The following PAK1 variants were observed in gnomAD, a reference collection of about 807,000 sequenced individuals.
The protein encoded by PAK1 is p21 (RAC1) activated kinase 1.
Under a neutral mutation model 67.4 loss-of-function variants are expected in PAK1, and 29 were observed. That is an observed-to-expected ratio of 0.43 (90% CI 0.32 to 0.59). The LOEUF is 0.59. PAK1 is among the 20% of genes least tolerant of loss of function. PAK1 has a pLI of 0.07. For synonymous variants in PAK1, 223 were observed against 237.4 expected (o/e 0.94, Z 0.56); for missense variants, 337 against 670.7 (o/e 0.50, Z 5.50).
intron 1 of PAK1, among the ~76,000 whole-genome samples, chr11:77,404,924 G>C (rs781152638): frequency 1.2e-4 from 19 of 152,192 alleles, no homozygotes; most frequent in Non-Finnish European, 2.6e-4. Context: ...AAGAGATGCA[G>C]ACAGAGAAAT....
At chr11:77,416,760 T>C (rs551508714) in intron 1 of PAK1, among the ~76,000 whole-genome samples, 2 of 152,156 alleles carry the variant, frequency 1.3e-5, no homozygotes, top group African/African-American at 2.4e-5. Context: ...AAGACCATCC[T>C]GGCTAACACA....
chr11:77,399,005 A>G (rs1393731501), intron 1 of PAK1, among the ~76,000 whole-genome samples: 1 of 152,266 alleles, frequency 6.6e-6, no homozygotes, highest in African/African-American at 2.4e-5. Context: ...AAAAAAATAT[A>G]AACACAGAAT....
chr11:77,521,769 A>G, the PAK1 span, among the ~76,000 whole-genome samples: 741 of 152,286 alleles, frequency 4.9e-3, 2 homozygotes, highest in Non-Finnish European at 7.4e-3. Context: ...AGGGCATCCT[A>G]TTTATTCCCA....
At chr11:77,429,407 T>C (rs1413228932) in intron 1 of PAK1, among the ~76,000 whole-genome samples, 2 of 152,194 alleles carry the variant, frequency 1.3e-5, no homozygotes, top group Non-Finnish European at 1.5e-5. Context: ...AAAATACTTA[T>C]TAATTATACA....
intron 1 of PAK1, among the ~76,000 whole-genome samples, chr11:77,464,905 A>G (rs1342587306): frequency 1.3e-5 from 2 of 152,190 alleles, no homozygotes; most frequent in Non-Finnish European, 2.9e-5. Flanking sequence ...TATTGCTTTT[A>G]CACCATCATA....
At chr11:77,420,379 A>G (rs959680966) in intron 1 of PAK1, among the ~76,000 whole-genome samples, 2 of 152,222 alleles carry the variant, frequency 1.3e-5, no homozygotes, top group African/African-American at 4.8e-5. Context: ...GACATGACCT[A>G]GTTCTTACCC....
intron 14 of PAK1, among the ~76,000 whole-genome samples, chr11:77,330,325 G>C (rs9667941): frequency 6.6e-6 from 1 of 151,804 alleles, no homozygotes. Context: ...CCGCATCGCC[G>C]AGTCAATCCT....
chr11:77,448,311 C>T (rs1956705936), intron 1 of PAK1, among the ~76,000 whole-genome samples: 2 of 152,178 alleles, frequency 1.3e-5, no homozygotes, highest in African/African-American at 4.8e-5. Flanking sequence ...TGGTACTTTC[C>T]TCTTTTATTG....
intron 8 of PAK1, 151 bp downstream of exon 8, chr11:77,353,385 G>T: frequency 1.7e-6 from 1 of 594,508 alleles, no homozygotes. Context: ...CAAATCTCAA[G>T]TCAGTCTCAC....
Position 77,379,227 on chromosome 11 carries a change from C to T in PAK1, c.439+14G>A, listed in dbSNP as rs200711097. 43 of 1,596,792 alleles carry T rather than the reference C, an allele frequency of 2.7e-5. No homozygotes were observed. Among genetic ancestry groups the T allele is most frequent in the African/African-American group, 2.2e-4 (16 of 74,324 alleles). ...CATCTCTTGCTGAGACTGCCCTGGA[C>T]GCAGTTCTCATACCTGTAAAGCTCA... is the stretch of plus-strand genomic sequence containing the variant. On this transcript the variant is annotated intron_variant, in intron 4 of 14. Transcript: ENST00000356341.
intron 1 of PAK1, among the ~76,000 whole-genome samples, chr11:77,442,787 T>C (rs1216142699): frequency 6.6e-6 from 1 of 152,088 alleles, no homozygotes; most frequent in African/African-American, 2.4e-5. Flanking sequence ...TGGGTTAACA[T>C]CAGAAAGCCC....
chr11:77,416,107 T>C (rs1422942984), intron 1 of PAK1, among the ~76,000 whole-genome samples: 1 of 151,724 alleles, frequency 6.6e-6, no homozygotes, highest in African/African-American at 2.4e-5. Flanking sequence ...GCCTCCCGAG[T>C]AGCTGGAATT....
At chr11:77,357,973 G>A (rs552704559) in intron 6 of PAK1, among the ~76,000 whole-genome samples, 7 of 152,056 alleles carry the variant, frequency 4.6e-5, no homozygotes, top group Non-Finnish European at 8.8e-5. Context: ...ATTTTGAAGC[G>A]CATTTTCCCT....
chr11:77,343,960 A>C, intron 9 of PAK1, 29 bp from the exon 10 acceptor site: 1 of 1,439,492 alleles, frequency 6.9e-7, no homozygotes, highest in Non-Finnish European at 9.8e-7. Flanking sequence ...TCAATGTGCA[A>C]CCATAGTCAT....
the PAK1 span, among the ~76,000 whole-genome samples, chr11:77,504,250 C>T: frequency 2.1e-3 from 318 of 150,934 alleles, 2 homozygotes; most frequent in Non-Finnish European, 4.1e-3. Context: ...ATATAAATAG[C>T]ACATTTCCAT....
chr11:77,454,179 T>C (rs1225183465), intron 1 of PAK1, among the ~76,000 whole-genome samples: 1 of 152,228 alleles, frequency 6.6e-6, no homozygotes, highest in Admixed American at 6.5e-5. Flanking sequence ...CACTTCCACA[T>C]ATATTTGTCC....
chr11:77,462,938 T>C (rs1223031351), intron 1 of PAK1, among the ~76,000 whole-genome samples: 1 of 117,146 alleles, frequency 8.5e-6, no homozygotes, highest in Non-Finnish European at 1.6e-5. Flanking sequence ...GTGCCTACTA[T>C]AGGTTAGGCA....
chr11:77,518,852 T>A, the PAK1 span, among the ~76,000 whole-genome samples: 1 of 152,232 alleles, frequency 6.6e-6, no homozygotes, highest in African/African-American at 2.4e-5. Flanking sequence ...ACACTAACTT[T>A]TTTAATACAA....
In PAK1 at chr11:77,436,012, G is replaced by C. The variant is rs558201387; in HGVS notation, c.-22+37540C>G. On this transcript the variant is annotated intron_variant, in intron 1 of 14. Transcript: ENST00000356341. ...TGTGTACATAGGCACTCAGAGTGCA[G>C]TTCTGAATAAAGAAGGGTTAAAGTA... Among the ~76,000 whole-genome samples the C allele has an allele frequency of 5.3e-5, 8 of 152,308 alleles. No individual in the cohort carries two copies. The South Asian group carries it at 1.7e-3, about 32-fold the overall frequency.
Sources: gnomAD v4.1 joint callset for allele counts (sites outside exome capture counted in the v4.1 genomes callset) on GRCh38, gnomAD v4.1.1 for gene constraint, MANE v1.5 for transcripts, NCBI Gene and HGNC (gene_info 2026-07-23, HGNC 2026-07-21) for gene names.